Variants in USP43 observed in about 807,000 individuals in gnomAD.
USP43 encodes the protein ubiquitin specific peptidase 43.
In USP43, 33 loss-of-function variants were observed where a neutral mutation model predicts 90.7. The ratio of observed to expected loss-of-function variants is 0.36; its 90% confidence interval spans 0.28 to 0.49. The LOEUF is 0.49. Among genes scored for constraint, USP43 ranks in the 20% least tolerant of loss-of-function variants. The pLI is 0.98. For synonymous variants in USP43, 598 were observed against 615.8 expected (o/e 0.97, Z 0.43); for missense variants, 1,274 against 1,476.4 (o/e 0.86, Z 2.25).
chr17:9,729,133 G>A lies in USP43; in HGVS notation c.*143G>A. 1.4e-6 allele frequency: 1 copy of A among 692,036 alleles called. No homozygotes were observed. Among genetic ancestry groups the A allele is most frequent in the Non-Finnish European group, 2.1e-6 (1 of 470,668 alleles). The allele number at this position is 692,036 out of a possible 1,614,324, so 42.9% of individuals were successfully genotyped here. ...AAATTTTTTTTTTTTTGTGGTGGGG[G>A]GTCTCCATATCTAGACTTCCAACAC... On this transcript the variant is annotated 3_prime_UTR_variant, in exon 15 of 15. Coordinates refer to ENST00000285199, the MANE Select transcript of USP43 (RefSeq NM_153210.5).
intron 9 of USP43, among the ~76,000 whole-genome samples, chr17:9,693,747 G>T (rs8080118): frequency 1.7e-4 from 26 of 152,012 alleles, no homozygotes; most frequent in Admixed American, 4.6e-4. Context: ...CTGAGGCAGG[G>T]GAATTGCTTG....
chr17:9,694,900 A>G (rs1915168108), intron 9 of USP43, among the ~76,000 whole-genome samples: 1 of 152,204 alleles, frequency 6.6e-6, no homozygotes, highest in South Asian at 2.1e-4. Flanking sequence ...GTGGGATTAC[A>G]GGTGTGAGCC....
chr17:9,729,517 A>C lies in USP43; in HGVS notation c.*527A>C, dbSNP rs979290985. The C allele has an allele frequency of 1.3e-5, 2 of 151,782 alleles. No individual in the cohort carries two copies. The highest frequency in any genetic ancestry group is 2.9e-5 in the Non-Finnish European group (2 of 67,938). The allele number at this position is 151,782 out of a possible 1,614,324, so 9.4% of individuals were successfully genotyped here. ...GGTAAGGCAAGATTCTAGCAAAGAG[A>C]GATGGGAGATAAATGGCTGAGAGTT... On this transcript the variant is annotated 3_prime_UTR_variant, in exon 15 of 15. Transcript: ENST00000285199.
At chr17:9,720,355 A>G (rs901959850) in intron 14 of USP43, among the ~76,000 whole-genome samples, 2 of 148,014 alleles carry the variant, frequency 1.4e-5, no homozygotes, top group Non-Finnish European at 3.0e-5. Flanking sequence ...GAAAGAAAAG[A>G]AAAATCCAGC....
chr17:9,717,173 A>AG, intron 14 of USP43, among the ~76,000 whole-genome samples: 1 of 152,004 alleles, frequency 6.6e-6, no homozygotes, highest in East Asian at 1.9e-4. Context: ...AAAAAAAAAA[A>AG]AAAAGTCCTT....
intron 1 of USP43, among the ~76,000 whole-genome samples, chr17:9,649,335 G>A (rs1465630261): frequency 2.0e-5 from 3 of 151,874 alleles, no homozygotes; most frequent in Non-Finnish European, 4.4e-5. Flanking sequence ...CCTGTCCGTG[G>A]TATTACCTAG....
intron 9 of USP43, among the ~76,000 whole-genome samples, chr17:9,696,773 C>T (rs1373986421): frequency 1.3e-5 from 2 of 152,240 alleles, no homozygotes; most frequent in Non-Finnish European, 2.9e-5. Flanking sequence ...TGAAGGTGGC[C>T]TACAAGGCCC....
In USP43 at chr17:9,721,687, A is replaced by C. The variant is rs561836477; in HGVS notation, c.2336-6267A>C. On this transcript the variant is annotated intron_variant, in intron 14 of 14. Transcript: ENST00000285199. ...ACCTTCTCTGGGACTCCTGGCAGGA[A>C]GGAAATATAATGAAACCTTCCTGTA... is the stretch of plus-strand genomic sequence containing the variant. Among the ~76,000 whole-genome samples, 3 of 152,046 alleles carry C rather than the reference A, an allele frequency of 2.0e-5. No homozygotes were observed. In the South Asian group the frequency reaches 6.2e-4, roughly 32 times the overall value.
At chr17:9,680,152 C>G in intron 5 of USP43, 79 bp from the exon 6 acceptor site, 2 of 1,526,018 alleles carry the variant, frequency 1.3e-6, no homozygotes, top group South Asian at 2.4e-5. Context: ...TGGGTGTTGA[C>G]TATCAGTCAC....
Position 9,728,397 on chromosome 17 carries a change from AG to A in USP43, c.2780del (p.Arg927LysfsTer9). On this transcript the variant is annotated frameshift_variant, in exon 15 of 15. Transcript: ENST00000285199. LOFTEE classifies it low-confidence loss of function (END_TRUNC). This position sits in a 1 kb window ranked among gnomAD's most constrained non-coding sequence, Gnocchi z 6.2. The part of the protein sequence containing the change: ...ENAGQDIKLP[R>X]KFDLPLTVMP... ...TGCAGGGCAGGACATCAAGCTTCCC[AG>A]AAAGTTTGACCTGCCTCTCACTGTG... 1 of 1,608,638 alleles carries A rather than the reference AG, an allele frequency of 6.2e-7. No individual in the cohort carries two copies. Among genetic ancestry groups the A allele is most frequent in the Non-Finnish European group, 8.5e-7 (1 of 1,177,538 alleles).
At chr17:9,646,583 A>G (rs1481229089) in intron 1 of USP43, among the ~76,000 whole-genome samples, 1 of 152,196 alleles carries the variant, frequency 6.6e-6, no homozygotes, top group Non-Finnish European at 1.5e-5. Context: ...GGCAAGCTGT[A>G]GGACTAATCC....
intron 9 of USP43, among the ~76,000 whole-genome samples, chr17:9,694,130 T>C (rs1424243971): frequency 6.6e-6 from 1 of 152,204 alleles, no homozygotes; most frequent in Non-Finnish European, 1.5e-5. Context: ...CACTTCTCTT[T>C]ATTTTCCCAT....
chr17:9,679,466 A>G (rs995654488), intron 5 of USP43, among the ~76,000 whole-genome samples: 1 of 149,910 alleles, frequency 6.7e-6, no homozygotes, highest in African/African-American at 2.5e-5. Flanking sequence ...CAGCCTCCCA[A>G]AGTGTTGGGA....
chr17:9,709,514 G>A lies in USP43; in HGVS notation c.2012-442G>A, dbSNP rs1467470437. Reference sequence around the variant, plus strand: ...GTGGATCATCTTAGGTCAGGAGTTCGAGACCAGCCTGGTCAACATGGTGAA... The same window carrying A: ...GTGGATCATCTTAGGTCAGGAGTTCAAGACCAGCCTGGTCAACATGGTGAA... On this transcript the variant is annotated intron_variant, in intron 12 of 14. Coordinates refer to ENST00000285199, the MANE Select transcript of USP43 (RefSeq NM_153210.5). The surrounding 1 kb of genome is among the most constrained non-coding windows in gnomAD (Gnocchi z 5.0). Among the ~76,000 whole-genome samples, 1 of 151,994 alleles carries A rather than the reference G, an allele frequency of 6.6e-6. No individual in the cohort carries two copies. Among genetic ancestry groups the A allele is most frequent in the Non-Finnish European group, 1.5e-5 (1 of 68,014 alleles).
chr17:9,690,941 G>C (rs1408489637), intron 8 of USP43, among the ~76,000 whole-genome samples: 3 of 152,050 alleles, frequency 2.0e-5, no homozygotes, highest in Non-Finnish European at 2.9e-5. Flanking sequence ...CCTCTGCCTA[G>C]CTCCTTGTAG....
rs2152005952 is a variant in USP43 at position 9,728,636 on chromosome 17, G to A, written c.3018G>A (p.Lys1006=). The change falls in exon 15 of 15, where the codon AAG becomes AAA. Residue 1006 remains lysine (K), a synonymous_variant. Transcript: ENST00000285199. This position sits in a 1 kb window ranked among gnomAD's most constrained non-coding sequence, Gnocchi z 6.2. Reference sequence around the variant, plus strand: ...TTCTGAGGTCCGTGTTTCGGAAGAAGGAGAACAGGAGGAATGAGAGGGCAG... The same window carrying A: ...TTCTGAGGTCCGTGTTTCGGAAGAAAGAGAACAGGAGGAATGAGAGGGCAG... ...LTLLRSVFRK[K]ENRRNERAEV... is the part of the protein sequence containing the mutation. 6.2e-7 allele frequency: 1 copy of A among 1,613,784 alleles called. No homozygotes were observed. Among genetic ancestry groups the A allele is most frequent in the Non-Finnish European group, 8.5e-7 (1 of 1,179,820 alleles).
rs1455136185 is a variant in USP43 at position 9,728,339 on chromosome 17, T to G, written c.2721T>G (p.Asp907Glu). Residue 907 changes from aspartate to glutamate, a missense_variant, in exon 15 of 15, where the codon GAT becomes GAG. Asp to Glu is a conservative substitution (Grantham distance 45). Transcript: ENST00000285199. The surrounding 1 kb of genome is among the most constrained non-coding windows in gnomAD (Gnocchi z 6.2). ...PNHCLAPGNS[D>E]GPNTARKLKE... Reference sequence around the variant, plus strand: ...ACTGTCTGGCCCCTGGAAACTCAGATGGTCCAAACACAGCAAGGAAACTCA... The same window carrying G: ...ACTGTCTGGCCCCTGGAAACTCAGAGGGTCCAAACACAGCAAGGAAACTCA... The G allele has an allele frequency of 1.2e-6, 2 of 1,612,158 alleles. No individual in the cohort carries two copies. The highest frequency in any genetic ancestry group is 1.7e-5 in the Admixed American group (1 of 59,714).
At chr17:9,663,977 C>A (rs1269588160) in intron 2 of USP43, among the ~76,000 whole-genome samples, 1 of 152,168 alleles carries the variant, frequency 6.6e-6, no homozygotes, top group Non-Finnish European at 1.5e-5. Flanking sequence ...GCCAGGTAGT[C>A]TCTGTTAGGA....
In USP43 at chr17:9,701,109, C is replaced by T; in HGVS notation, c.1536-10C>T. On this transcript the variant is annotated splice_polypyrimidine_tract_variant and intron_variant, in intron 10 of 14. Transcript: ENST00000285199. The surrounding 1 kb of genome is among the most constrained non-coding windows in gnomAD (Gnocchi z 7.2). ...AAGTCCTGAACGCCGTGGGTGTCCT[C>T]TCCGTGCAGCCTGTTCGGGAGCCTC... is the stretch of plus-strand genomic sequence containing the variant. 6.9e-7 allele frequency: 1 copy of T among 1,456,404 alleles called. No individual in the cohort carries two copies. Among genetic ancestry groups the T allele is most frequent in the Non-Finnish European group, 9.1e-7 (1 of 1,100,958 alleles). 90.2% of individuals were successfully genotyped at this position (1,456,404 alleles called of 1,614,324 possible). A position where few individuals can be genotyped will look rare whatever the true frequency, so the allele number is the denominator to read the frequency against.
Sources: gnomAD v4.1 joint callset for allele counts (sites outside exome capture counted in the v4.1 genomes callset) on GRCh38, gnomAD v4.1.1 for gene constraint, Gnocchi (gnomAD v3.1) non-coding constraint, MANE v1.5 for transcripts, NCBI Gene and HGNC (gene_info 2026-07-23, HGNC 2026-07-21) for gene names.